MPP4: variants seen among roughly 807,000 people sequenced by gnomAD.
MPP4 encodes the protein MAGUK p55 scaffold protein 4.
A neutral mutation model predicts 98.3 loss-of-function variants in MPP4; 91 were observed. That is an observed-to-expected ratio of 0.93 (90% confidence interval 0.78 to 1.10). MPP4 has a LOEUF of 1.10. MPP4 is among the 50% of genes least tolerant of loss of function. The probability of loss-of-function intolerance (pLI) is 0.00; values close to 1 mark genes in which losing one functional copy is unlikely to be tolerated. For synonymous variants in MPP4, 261 were observed against 271.8 expected (o/e 0.96, Z 0.39); for missense variants, 744 against 792.9 (o/e 0.94, Z 0.74).
Position 201,698,582 on chromosome 2 carries a change from C to T in MPP4, c.-101+5G>A. 7.7e-7 allele frequency: 1 copy of T among 1,303,852 alleles called. No homozygotes were observed. The highest frequency in any genetic ancestry group is 1.0e-6 in the Non-Finnish European group (1 of 988,762). 80.8% of individuals were successfully genotyped at this position (1,303,852 alleles called of 1,614,324 possible). A position where few individuals can be genotyped will look rare whatever the true frequency, so the allele number is the denominator to read the frequency against. On this transcript the variant is annotated splice_donor_5th_base_variant and intron_variant, in intron 1 of 21. Coordinates refer to ENST00000409474, the MANE Select transcript of MPP4 (RefSeq NM_033066.3). ...AACTGAGGATTATTTGCCAAGGTCT[C>T]TTACCTGCAAGACTGTAAACATGCA...
chr2:201,664,117 G>T lies in MPP4; in HGVS notation c.1052-16C>A. The T allele has an allele frequency of 2.6e-6, 4 of 1,531,750 alleles. No homozygotes were observed. Among genetic ancestry groups the T allele is most frequent in the Non-Finnish European group, 1.8e-6 (2 of 1,133,216 alleles). 94.9% of individuals were successfully genotyped at this position (1,531,750 alleles called of 1,614,324 possible). On this transcript the variant is annotated splice_polypyrimidine_tract_variant and intron_variant, in intron 13 of 21. Transcript: ENST00000409474. ...GTTTCTTCATCTATGATTTTTCATG[G>T]AGGCAAAAATCAAAAATGTTATTAC...
intron 14 of MPP4, among the ~76,000 whole-genome samples, chr2:201,660,682 C>T (rs1213104347): frequency 6.6e-6 from 1 of 152,054 alleles, no homozygotes; most frequent in Non-Finnish European, 1.5e-5. Context: ...CAGGTTTGAG[C>T]CTTCTCCCTC....
At chr2:201,657,812 C>T (rs532183170) in intron 16 of MPP4, among the ~76,000 whole-genome samples, 1 of 152,038 alleles carries the variant, frequency 6.6e-6, no homozygotes, top group African/African-American at 2.4e-5. Context: ...ACCAGGCTAC[C>T]ATTGTCCCCT....
At chr2:201,664,308 C>T in intron 13 of MPP4, 1 of 1,457,000 alleles carries the variant, frequency 6.9e-7, no homozygotes. Context: ...GCAGTTGAGC[C>T]ATGATGACAG....
chr2:201,664,404 A>ACCCCAACCCCC, intron 13 of MPP4: 1 of 1,270,710 alleles, frequency 7.9e-7, no homozygotes, highest in Non-Finnish European at 1.0e-6. Flanking sequence ...AGGGAAGGGG[A>ACCCCAACCCCC]AAGTGGAATG....
intron 1 of MPP4, among the ~76,000 whole-genome samples, chr2:201,697,139 G>A (rs373918668): frequency 7.2e-5 from 11 of 152,104 alleles, no homozygotes; most frequent in African/African-American, 2.2e-4. Flanking sequence ...GTGAAAACGC[G>A]GCCATCTGAA....
intron 5 of MPP4, among the ~76,000 whole-genome samples, chr2:201,687,007 T>C (rs994780503): frequency 2.0e-5 from 3 of 152,232 alleles, no homozygotes; most frequent in African/African-American, 7.2e-5. Flanking sequence ...CCCTGTTTGC[T>C]ACCCAAGATT....
intron 20 of MPP4, 143 bp downstream of exon 20, chr2:201,649,429 TTAAG>T (rs1687655792): frequency 3.3e-6 from 2 of 605,908 alleles, no homozygotes; most frequent in Middle Eastern, 5.8e-4. Flanking sequence ...AATTGACACG[TTAAG>T]TAAGATCTTA....
At chr2:201,663,766 C>G (rs1452071728) in intron 14 of MPP4, among the ~76,000 whole-genome samples, 1 of 152,046 alleles carries the variant, frequency 6.6e-6, no homozygotes, top group Non-Finnish European at 1.5e-5. Context: ...CCTGTAGTTC[C>G]AGCTGTTTGG....
At chr2:201,696,208 C>T (rs1689176920) in intron 1 of MPP4, among the ~76,000 whole-genome samples, 2 of 152,212 alleles carry the variant, frequency 1.3e-5, no homozygotes, top group Admixed American at 6.5e-5. Flanking sequence ...CATCGTTATG[C>T]TTTTGACTTG....
At chr2:201,647,630 C>T in intron 21 of MPP4, 61 bp downstream of exon 21, 2 of 1,573,722 alleles carry the variant, frequency 1.3e-6, no homozygotes. Flanking sequence ...CCAGCCCAAC[C>T]CAGATCTCTC....
chr2:201,686,071 G>A (rs755609452), intron 5 of MPP4, 21 bp from the exon 6 acceptor site: 27 of 1,607,928 alleles, frequency 1.7e-5, no homozygotes, highest in Non-Finnish European at 2.2e-5. Flanking sequence ...GGAAGGAAAA[G>A]GTGAGCAAAT....
chr2:201,672,404 G>A (rs1270752640), intron 11 of MPP4, among the ~76,000 whole-genome samples: 1 of 152,042 alleles, frequency 6.6e-6, no homozygotes, highest in Admixed American at 6.5e-5. Flanking sequence ...GATCAGAGCA[G>A]AACTGAAGGA....
At chr2:201,652,097 A>C in intron 18 of MPP4, 1 of 770,530 alleles carries the variant, frequency 1.3e-6, no homozygotes, top group Non-Finnish European at 1.6e-6. Context: ...TGCGATCATA[A>C]AGCAACTTCT....
chr2:201,684,218 CAAA>C lies in MPP4; in HGVS notation c.574+843_574+845del, dbSNP rs10578908. 5.3e-3 allele frequency among the ~76,000 whole-genome samples: 721 copies of C among 136,916 alleles called. 1 individual carries two copies. The highest frequency in any genetic ancestry group is 5.3e-3 in the Non-Finnish European group (334 of 63,202). The allele number at this position is 136,916 out of a possible 152,430, so 89.8% of individuals were successfully genotyped here. A position where few individuals can be genotyped will look rare whatever the true frequency, so the allele number is the denominator to read the frequency against. ...TGAGCAACAGATTAAGACCCTGTCT[CAAA>C]AAAAAAAAAAAAAAGTTTTTAGAAG... On this transcript the variant is annotated intron_variant, in intron 7 of 21. Transcript: ENST00000409474.
At chr2:201,689,158 T>C (rs1012131307) in intron 4 of MPP4, among the ~76,000 whole-genome samples, 3 of 152,042 alleles carry the variant, frequency 2.0e-5, no homozygotes, top group African/African-American at 7.2e-5. Flanking sequence ...TGAAACCCCG[T>C]CTCTACCCAA....
rs538585894 is a variant in MPP4, at chr2:201,658,921, C to G, written c.1088-403G>C. On this transcript the variant is annotated intron_variant, in intron 15 of 21. Transcript: ENST00000409474. The stretch of plus-strand genomic sequence containing the variant: ...TTTGTTCTTCTCCCTCCCTGCCTAC[C>G]CCCCTGCTGTTGTTGCTCACTCTGG... 2.0e-5 allele frequency among the ~76,000 whole-genome samples: 3 copies of G among 152,128 alleles called. No individual in the cohort carries two copies. The South Asian group carries it at 6.2e-4, about 32-fold the overall frequency.
intron 18 of MPP4, chr2:201,650,981 T>G (rs1462305889): frequency 2.0e-6 from 2 of 984,714 alleles, no homozygotes; most frequent in African/African-American, 1.7e-5. Context: ...TCAACTAGTG[T>G]GTACTGAGTG....
At chr2:201,687,163 G>T in intron 5 of MPP4, 128 bp downstream of exon 5, 2 of 742,762 alleles carry the variant, frequency 2.7e-6, no homozygotes, top group Non-Finnish European at 4.5e-6. Flanking sequence ...ACAATCTGTT[G>T]GTCAGTAACC....
Sources: gnomAD v4.1 joint callset for allele counts (sites outside exome capture counted in the v4.1 genomes callset) on GRCh38, gnomAD v4.1.1 for gene constraint, MANE v1.5 for transcripts, NCBI Gene and HGNC (gene_info 2026-07-23, HGNC 2026-07-21) for gene names.